SRGAP3: variants seen among roughly 807,000 people sequenced by gnomAD.
SRGAP3 encodes SLIT-ROBO Rho GTPase activating protein 3, also known as SLIT-ROBO Rho GTPase-activating protein 3.
In SRGAP3, 39 loss-of-function variants were observed where a neutral mutation model predicts 121.1. The ratio of observed to expected loss-of-function variants is 0.32; its 90% CI spans 0.25 to 0.42. The LOEUF is 0.42. Ranked by LOEUF, SRGAP3 falls within the 10% of genes least tolerant of loss-of-function variation. The pLI, the probability that SRGAP3 is intolerant of heterozygous loss-of-function variation, is 1.00. For missense variants in SRGAP3, 1,213 were observed against 1,470.6 expected, an observed-to-expected ratio of 0.82 and a Z score of 2.86; for synonymous variants, 601 against 570.0, an observed-to-expected ratio of 1.05 and a Z score of -0.77.
Position 9,176,722 on chromosome 3 carries a change from T to C in SRGAP3, c.68-51805A>G, listed in dbSNP as rs114871772. Among the ~76,000 whole-genome samples, 1,108 of 151,822 alleles carry C rather than the reference T, an allele frequency of 7.3e-3. 9 individuals carry two copies. Among genetic ancestry groups the C allele is most frequent in the African/African-American group, 0.026 (1,066 of 41,408 alleles). Reference sequence around the variant, plus strand: ...ATCACACTGTAAAAGCAGAAGCAAGTGGGGGGCGGGGAGGAACCACACACT... The same window carrying C: ...ATCACACTGTAAAAGCAGAAGCAAGCGGGGGGCGGGGAGGAACCACACACT... On this transcript the variant is annotated intron_variant, in intron 1 of 21. Coordinates refer to ENST00000383836, the MANE Select transcript of SRGAP3 (RefSeq NM_014850.4).
chr3:9,187,953 G>C (rs1421933337), intron 1 of SRGAP3, among the ~76,000 whole-genome samples: 1 of 152,180 alleles, frequency 6.6e-6, no homozygotes, highest in Non-Finnish European at 1.5e-5. Context: ...CCCTCTGCCA[G>C]AAGCCTATGG....
chr3:9,356,608 C>T (rs546964645), intron 1 of SRGAP3, among the ~76,000 whole-genome samples: 2 of 151,772 alleles, frequency 1.3e-5, no homozygotes, highest in African/African-American at 2.4e-5. Flanking sequence ...CTCCTGACCT[C>T]GTGATCCGCC....
intron 1 of SRGAP3, among the ~76,000 whole-genome samples, chr3:9,140,304 T>C (rs1231237966): frequency 6.6e-6 from 1 of 152,214 alleles, no homozygotes; most frequent in African/African-American, 2.4e-5. Context: ...AAGATTCACG[T>C]TGCATACAAA....
chr3:9,327,392 C>T (rs1955538442), intron 2 of SRGAP3, among the ~76,000 whole-genome samples: 1 of 149,616 alleles, frequency 6.7e-6, no homozygotes, highest in African/African-American at 2.4e-5. Context: ...TTTAACAATC[C>T]TTTAACCCTC....
Position 9,015,638 on chromosome 3 carries a change from A to C in SRGAP3, c.1772T>G (p.Leu591Arg). The C allele has an allele frequency of 6.2e-7, 1 of 1,614,184 alleles. No individual in the cohort carries two copies. Among genetic ancestry groups the C allele is most frequent in the Non-Finnish European group, 8.5e-7 (1 of 1,180,024 alleles). ...ATCTTGAAACCTTTCCTTAGGAAAG[A>C]GTGGGTTTTCCAGTCCTCGGAAATA... is the stretch of plus-strand genomic sequence containing the variant. ...KLYFRGLENPLFPKERFQDLI... is the reference protein window; with the variant it reads ...KLYFRGLENPRFPKERFQDLI... The change falls in exon 15 of 22, where the codon CTC becomes CGC. Residue 591 changes from leucine (L) to arginine (R), a missense_variant. Around this residue, in one of 2 missense-constraint regions of SRGAP3, gnomAD observed 793 missense variants for 1,032.9 expected, o/e 0.77. Coordinates refer to ENST00000383836, the MANE Select transcript of SRGAP3 (RefSeq NM_014850.4).
At chr3:9,004,487 G>T (rs370403963) in intron 18 of SRGAP3, among the ~76,000 whole-genome samples, 27 of 152,284 alleles carry the variant, frequency 1.8e-4, no homozygotes, top group African/African-American at 6.0e-4. Flanking sequence ...GAAGGACAAA[G>T]TTGGAGGACT....
In SRGAP3 at chr3:9,357,434, C is replaced by T. The variant is rs73126656; in HGVS notation, n.214+5406G>A. On this transcript the variant is annotated intron_variant and non_coding_transcript_variant, in intron 1 of 3. Coordinates refer to the SRGAP3 transcript ENST00000490889. ...TAGCATAATATTTCAAAAGTCCATCCATATTGTAGCATGCATCTGATGGTC... is the reference window on the plus strand; with the variant it reads ...TAGCATAATATTTCAAAAGTCCATCTATATTGTAGCATGCATCTGATGGTC... Among the ~76,000 whole-genome samples the T allele has an allele frequency of 2.4e-3, 368 of 151,904 alleles. 2 individuals carry two copies. The highest frequency in any genetic ancestry group is 8.6e-3 in the African/African-American group (358 of 41,436).
intron 1 of SRGAP3, among the ~76,000 whole-genome samples, chr3:9,334,658 C>A (rs1955661690): frequency 6.6e-6 from 1 of 152,162 alleles, no homozygotes; most frequent in Non-Finnish European, 1.5e-5. Flanking sequence ...TTGAAAACAT[C>A]CCACTCCATT....
At chr3:9,152,522 A>G (rs1950246772) in intron 1 of SRGAP3, among the ~76,000 whole-genome samples, 1 of 152,238 alleles carries the variant, frequency 6.6e-6, no homozygotes, top group African/African-American at 2.4e-5. Flanking sequence ...GGCCAAGTGC[A>G]AAGTGAGCAG....
intron 1 of SRGAP3, among the ~76,000 whole-genome samples, chr3:9,176,955 C>T (rs932427784): frequency 2.0e-5 from 3 of 152,240 alleles, no homozygotes; most frequent in Non-Finnish European, 4.4e-5. Flanking sequence ...AAACCTAAGT[C>T]AATAGCAGCA....
intron 1 of SRGAP3, chr3:9,192,802 C>CTAA (rs1951796250): frequency 6.6e-6 from 1 of 152,224 alleles, no homozygotes; most frequent in African/African-American, 2.4e-5. Context: ...TCCTGGAAGG[C>CTAA]TAATGAGTCT....
chr3:9,153,529 A>G (rs1490899955), intron 1 of SRGAP3, among the ~76,000 whole-genome samples: 1 of 152,184 alleles, frequency 6.6e-6, no homozygotes, highest in African/African-American at 2.4e-5. Flanking sequence ...AGAAAGAGTC[A>G]ATGATTTTGA....
At chr3:9,059,463 G>C (rs1946014720) in intron 6 of SRGAP3, 1 of 152,356 alleles carries the variant, frequency 6.6e-6, no homozygotes, top group Non-Finnish European at 1.5e-5. Context: ...GGAGCCCCCT[G>C]ACTTCCCGAC....
At chr3:9,145,423 T>G (rs1949991396) in intron 1 of SRGAP3, among the ~76,000 whole-genome samples, 1 of 152,206 alleles carries the variant, frequency 6.6e-6, no homozygotes, top group Non-Finnish European at 1.5e-5. Context: ...TTCTCTCTGT[T>G]TTATGTAAGT....
chr3:9,157,244 T>C (rs758703279), intron 1 of SRGAP3, among the ~76,000 whole-genome samples: 13 of 152,060 alleles, frequency 8.5e-5, no homozygotes, highest in Non-Finnish European at 1.2e-4. Context: ...CGTCTTCACA[T>C]GGTGGCAGCA....
intron 1 of SRGAP3, chr3:9,349,004 C>T (rs1464337564): frequency 1.6e-5 from 15 of 930,384 alleles, no homozygotes; most frequent in East Asian, 4.8e-5. Flanking sequence ...TGGCAACAGC[C>T]CCCCGGGCAT....
chr3:9,001,694 C>T (rs1324661727), intron 18 of SRGAP3, among the ~76,000 whole-genome samples: 3 of 151,878 alleles, frequency 2.0e-5, no homozygotes, highest in Non-Finnish European at 4.4e-5. Flanking sequence ...TTCAAAGATA[C>T]AATTAGAGTG....
intron 1 of SRGAP3, among the ~76,000 whole-genome samples, chr3:9,166,659 T>C (rs976240108): frequency 2.0e-5 from 3 of 152,212 alleles, no homozygotes; most frequent in Admixed American, 2.0e-4. Flanking sequence ...ACTTCTATCT[T>C]ATTCAAGCAT....
chr3:9,123,732 A>ATGTGTGTGTGTGTGTGTGTGTGTGTGTG (rs532602901), intron 2 of SRGAP3, among the ~76,000 whole-genome samples: 44 of 139,102 alleles, frequency 3.2e-4, no homozygotes, highest in Admixed American at 9.4e-4. Context: ...ATATGTATAT[A>ATGTGTGTGTGTGTGTGTGTGTGTGTGTG]TGTGTGTGTG....
Sources: allele counts gnomAD v4.1 joint callset (sites outside exome capture counted in the v4.1 genomes callset), GRCh38; gene constraint gnomAD v4.1.1; regional missense constraint gnomAD v4.1.1; transcripts MANE v1.5; gene names NCBI Gene and HGNC (gene_info 2026-07-23, HGNC 2026-07-21).